Variants in RAG1 observed in about 807,000 individuals in gnomAD.
The protein encoded by RAG1 is V(D)J recombination-activating protein 1.
RAG1 carries 35 observed loss-of-function variants against 62.7 expected under a neutral mutation model. The ratio of observed to expected loss-of-function variants is 0.56; its 90% CI spans 0.43 to 0.74. The LOEUF (loss-of-function observed/expected upper bound fraction) is 0.74, where lower values mean the gene tolerates loss of function less well. Ranked by LOEUF, RAG1 falls within the 30% of genes least tolerant of loss-of-function variation. The pLI is 0.00. For synonymous variants in RAG1, 461 were observed against 470.3 expected (o/e 0.98, Z 0.26); for missense variants, 1,169 against 1,278.6 (o/e 0.91, Z 1.31).
At chr11:36,516,488 A>AT (rs1167598534) in intron 1 of RAG1, among the ~76,000 whole-genome samples, 4 of 152,122 alleles carry the variant, frequency 2.6e-5, no homozygotes, top group East Asian at 1.9e-4. Context: ...CGCCTGGAGA[A>AT]TTTTTTTGTA....
chr11:36,513,038 A>G (rs1291063778), intron 1 of RAG1, among the ~76,000 whole-genome samples: 1 of 152,198 alleles, frequency 6.6e-6, no homozygotes, highest in Non-Finnish European at 1.5e-5. Flanking sequence ...GATCAATGCC[A>G]TTATCATGCG....
intron 1 of RAG1, among the ~76,000 whole-genome samples, chr11:36,516,414 C>A (rs903308326): frequency 6.6e-6 from 1 of 152,246 alleles, no homozygotes; most frequent in African/African-American, 2.4e-5. Context: ...CTCCGCCTCC[C>A]GGGCTCACGC....
chr11:36,563,597 C>G (rs1194860288), upstream of RAG1: 1 of 151,972 alleles, frequency 6.6e-6, no homozygotes, highest in African/African-American at 2.4e-5. Flanking sequence ...TCTCCAGAAG[C>G]ACTAACTGTT....
At chr11:36,543,618 T>G (rs1007278410) in intron 3 of RAG1, among the ~76,000 whole-genome samples, 1 of 152,212 alleles carries the variant, frequency 6.6e-6, no homozygotes, top group Non-Finnish European at 1.5e-5. Flanking sequence ...TTGTTTGGCC[T>G]CTCTCTTCCA....
At chr11:36,526,044 G>A (rs1414499981) in intron 2 of RAG1, among the ~76,000 whole-genome samples, 3 of 152,284 alleles carry the variant, frequency 2.0e-5, no homozygotes, top group African/African-American at 7.2e-5. Flanking sequence ...TGAGATAAAT[G>A]TTGCAAAATT....
At chr11:36,573,208 ATG>A in intron 1 of RAG1, 81 bp from the exon 2 acceptor site, 1 of 1,300,132 alleles carries the variant, frequency 7.7e-7, no homozygotes, top group Non-Finnish European at 1.1e-6. Context: ...AAATAATTGA[ATG>A]TATTTATTTT....
chr11:36,540,841 C>T (rs1246341701), downstream of RAG1, among the ~76,000 whole-genome samples: 2 of 152,148 alleles, frequency 1.3e-5, no homozygotes, highest in African/African-American at 4.8e-5. Flanking sequence ...TTCAGAGATT[C>T]GTCTCTCCAT....
Position 36,575,946 on chromosome 11 carries a change from C to T in RAG1, c.2642C>T (p.Ala881Val). ...ATTCCTTCCGAGGAGAGGCACGAGG[C>T]TCTGAGGGAGCTGATGGATCTTTAC... is the stretch of plus-strand genomic sequence containing the variant. ...ELIPSEERHE[A>V]LRELMDLYLK... is the part of the protein sequence containing the mutation. Residue 881 changes from alanine (A) to valine (V), a missense_variant, in exon 2 of 2, where the codon GCT becomes GTT. Around this residue, in one of 2 missense-constraint regions of RAG1, gnomAD observed 800 missense variants for 943.3 expected, o/e 0.85. Coordinates refer to ENST00000299440, the MANE Select transcript of RAG1 (RefSeq NM_000448.3). The surrounding 1 kb of genome is among the most constrained non-coding windows in gnomAD (Gnocchi z 4.1). 6.2e-7 allele frequency: 1 copy of T among 1,614,146 alleles called. No individual in the cohort carries two copies.
downstream of RAG1, among the ~76,000 whole-genome samples, chr11:36,540,698 G>T (rs977122882): frequency 6.6e-6 from 1 of 152,190 alleles, no homozygotes; most frequent in Non-Finnish European, 1.5e-5. Context: ...GAGCCAACGC[G>T]TCTGGCCTCT....
chr11:36,574,838 G>T lies in RAG1; in HGVS notation c.1534G>T (p.Val512Leu), dbSNP rs752688023. The change falls in exon 2 of 2, where the codon GTA (valine) becomes TTA (leucine). Residue 512 changes from valine (V) to leucine (L), a missense_variant. Physicochemically the swap from Val to Leu is conservative, Grantham distance 32. Transcript: ENST00000299440. ...PLHALRNAEK[V>L]LLPGYHHFEW... ...GCATGCCCTTCGGAATGCTGAGAAG[G>T]TACTTCTGCCAGGCTACCACCACTT... The T allele has an allele frequency of 4.3e-6, 7 of 1,614,228 alleles. No homozygotes were observed. Among genetic ancestry groups the T allele is most frequent in the Non-Finnish European group, 5.9e-6 (7 of 1,180,048 alleles).
At chr11:36,518,468 G>A (rs1488029433) in intron 1 of RAG1, among the ~76,000 whole-genome samples, 3 of 152,182 alleles carry the variant, frequency 2.0e-5, no homozygotes, top group South Asian at 4.1e-4. Context: ...CAGTGTAAAA[G>A]TGTTCCTATT....
chr11:36,546,504 A>C (rs1291383472), intron 3 of RAG1, among the ~76,000 whole-genome samples: 1 of 152,086 alleles, frequency 6.6e-6, no homozygotes. Flanking sequence ...TGAATATGCC[A>C]CATCGATGGG....
intron 2 of RAG1, among the ~76,000 whole-genome samples, chr11:36,526,350 T>C (rs1253443479): frequency 6.6e-6 from 1 of 151,702 alleles, no homozygotes; most frequent in East Asian, 1.9e-4. Context: ...TTTCTGTCCT[T>C]GTGATAGTTT....
At chr11:36,515,288 G>A (rs1216978288) in intron 1 of RAG1, among the ~76,000 whole-genome samples, 1 of 151,948 alleles carries the variant, frequency 6.6e-6, no homozygotes, top group Non-Finnish European at 1.5e-5. Context: ...GGCGAAAGAG[G>A]AATTCGATAT....
At chr11:36,571,619 A>G (rs537638776) in intron 1 of RAG1, among the ~76,000 whole-genome samples, 2 of 152,112 alleles carry the variant, frequency 1.3e-5, no homozygotes, top group South Asian at 4.2e-4. Context: ...AAAAACGCCC[A>G]TTTCTTTGTT....
chr11:36,525,940 T>C (rs1294886885), intron 2 of RAG1, among the ~76,000 whole-genome samples: 1 of 152,210 alleles, frequency 6.6e-6, no homozygotes, highest in African/African-American at 2.4e-5. Context: ...CTATGTTATA[T>C]AAGAACACTG....
intron 1 of RAG1, among the ~76,000 whole-genome samples, chr11:36,570,348 G>T (rs1850722364): frequency 6.6e-6 from 1 of 152,066 alleles, no homozygotes; most frequent in African/African-American, 2.4e-5. Flanking sequence ...TTTAATCTTT[G>T]CTAATTGAAT....
chr11:36,559,638 G>C (rs1323952523), intron 3 of RAG1, among the ~76,000 whole-genome samples: 1 of 151,658 alleles, frequency 6.6e-6, no homozygotes, highest in African/African-American at 2.4e-5. Flanking sequence ...TCTTTCTTTT[G>C]CTTGATCTAG....
At chr11:36,533,886 C>G (rs1860289887) in intron 2 of RAG1, among the ~76,000 whole-genome samples, 1 of 151,894 alleles carries the variant, frequency 6.6e-6, no homozygotes, top group African/African-American at 2.4e-5. Flanking sequence ...AATATCCATC[C>G]AAGCATCCAG....
Sources: gnomAD v4.1 joint callset for allele counts (sites outside exome capture counted in the v4.1 genomes callset) on GRCh38, gnomAD v4.1.1 for gene constraint, gnomAD v4.1.1 regional missense constraint, Gnocchi (gnomAD v3.1) non-coding constraint, MANE v1.5 for transcripts, NCBI Gene and HGNC (gene_info 2026-07-23, HGNC 2026-07-21) for gene names.